The following ASIC2 variants were observed in gnomAD, a reference collection of about 807,000 sequenced individuals.
ASIC2 encodes the protein acid sensing ion channel subunit 2, also known as acid-sensing ion channel 2.
Under a neutral mutation model 57.3 loss-of-function variants are expected in ASIC2, and 25 were observed. The observed-to-expected ratio is 0.44, with a 90% CI of 0.32 to 0.61. ASIC2 has a LOEUF of 0.61. Ranked by LOEUF, ASIC2 falls within the 20% of genes least tolerant of loss-of-function variation. The probability of loss-of-function intolerance (pLI) is 0.06; values close to 1 mark genes in which losing one functional copy is unlikely to be tolerated. For synonymous variants in ASIC2, 319 were observed against 307.5 expected (o/e 1.04, Z -0.39); for missense variants, 641 against 738.1 (o/e 0.87, Z 1.52).
At chr17:33,268,747 A>G (rs556505767) in intron 1 of ASIC2, among the ~76,000 whole-genome samples, 1 of 152,272 alleles carries the variant, frequency 6.6e-6, no homozygotes, top group East Asian at 1.9e-4. Flanking sequence ...TTTCCCCACC[A>G]TCCTACAAAG....
chr17:33,049,925 G>T (rs1029576445), intron 3 of ASIC2, among the ~76,000 whole-genome samples: 3 of 152,214 alleles, frequency 2.0e-5, no homozygotes, highest in Non-Finnish European at 2.9e-5. Context: ...GAAGGGGAAA[G>T]AGACTCCTCA....
chr17:34,049,115 T>C (rs944850318), intron 1 of ASIC2, among the ~76,000 whole-genome samples: 11 of 151,726 alleles, frequency 7.2e-5, no homozygotes, highest in East Asian at 5.8e-4. Context: ...CAGGGCAACA[T>C]AGACTGTCCC....
intron 1 of ASIC2, among the ~76,000 whole-genome samples, chr17:33,125,955 G>A (rs1303212194): frequency 2.0e-5 from 3 of 152,172 alleles, no homozygotes; most frequent in South Asian, 2.1e-4. Context: ...CAATTATTTC[G>A]GGGGTTGCAC....
intron 1 of ASIC2, among the ~76,000 whole-genome samples, chr17:34,131,998 T>C (rs982595301): frequency 6.6e-6 from 1 of 152,174 alleles, no homozygotes; most frequent in Admixed American, 6.5e-5. Flanking sequence ...GTAGGTGCTG[T>C]CCTGGAATTT....
intron 1 of ASIC2, among the ~76,000 whole-genome samples, chr17:33,807,112 C>A (rs1912290112): frequency 6.6e-6 from 1 of 152,164 alleles, no homozygotes; most frequent in Non-Finnish European, 1.5e-5. Flanking sequence ...CAGGAAAATG[C>A]AGAAATGCTC....
chr17:33,629,233 C>A (rs1326460380), intron 1 of ASIC2, among the ~76,000 whole-genome samples: 1 of 147,962 alleles, frequency 6.8e-6, no homozygotes, highest in African/African-American at 2.5e-5. Flanking sequence ...CTGCTCTCTG[C>A]CAGCTTTTCT....
chr17:33,796,092 T>A (rs1911911597), intron 1 of ASIC2, among the ~76,000 whole-genome samples: 1 of 152,226 alleles, frequency 6.6e-6, no homozygotes, highest in Non-Finnish European at 1.5e-5. Flanking sequence ...AGTGCCACAA[T>A]CACAGTGGCT....
In ASIC2 at chr17:33,718,343, C is replaced by G. The variant is rs1029584978; in HGVS notation, c.555+437635G>C. 2.6e-5 allele frequency among the ~76,000 whole-genome samples: 4 copies of G among 152,066 alleles called. No homozygotes were observed. The East Asian group carries it at 7.7e-4, about 29-fold the overall frequency. On this transcript the variant is annotated intron_variant, in intron 1 of 9. Transcript: ENST00000359872. ...TTGAACCCGTGGATACAGAGGCTGA[C>G]TGGATTTACAGAAAGGGTGTTTTAC...
At chr17:33,285,036 G>A (rs1341939094) in intron 1 of ASIC2, among the ~76,000 whole-genome samples, 1 of 152,184 alleles carries the variant, frequency 6.6e-6, no homozygotes, top group Non-Finnish European at 1.5e-5. Context: ...ACATCCAATT[G>A]AGTCAATGAA....
intron 1 of ASIC2, chr17:34,036,648 T>C (rs919021774): frequency 6.7e-6 from 1 of 150,024 alleles, no homozygotes; most frequent in Non-Finnish European, 1.5e-5. Flanking sequence ...GGGCTACTTG[T>C]GGACTGTATA....
intron 1 of ASIC2, among the ~76,000 whole-genome samples, chr17:33,673,228 A>C (rs1907694605): frequency 6.6e-6 from 1 of 152,110 alleles, no homozygotes; most frequent in Non-Finnish European, 1.5e-5. Context: ...CTCAGGGAAG[A>C]GTGAGGAGAC....
intron 1 of ASIC2, among the ~76,000 whole-genome samples, chr17:33,458,469 G>A (rs1414153305): frequency 2.0e-5 from 3 of 152,158 alleles, no homozygotes; most frequent in East Asian, 1.9e-4. Context: ...TTAGTGAAAG[G>A]CCAGAACCAT....
chr17:33,584,578 A>G (rs8072065), intron 1 of ASIC2, among the ~76,000 whole-genome samples: 31,016 of 152,084 alleles, frequency 0.2, 3,266 homozygotes, highest in South Asian at 0.37. Context: ...GACTTGGCAC[A>G]GGTGAGGCAG....
intron 3 of ASIC2, among the ~76,000 whole-genome samples, chr17:33,036,557 A>G (rs966094037): frequency 6.6e-6 from 1 of 152,088 alleles, no homozygotes; most frequent in African/African-American, 2.4e-5. Context: ...CAGCCTCCCA[A>G]GGAGTTAGGA....
intron 1 of ASIC2, among the ~76,000 whole-genome samples, chr17:33,585,906 G>A (rs1904613895): frequency 6.6e-6 from 1 of 152,186 alleles, no homozygotes; most frequent in Non-Finnish European, 1.5e-5. Flanking sequence ...TAAATATACA[G>A]TCTGACGAGC....
chr17:33,092,003 A>C (rs1366264080), intron 2 of ASIC2, among the ~76,000 whole-genome samples: 1 of 152,218 alleles, frequency 6.6e-6, no homozygotes, highest in Admixed American at 6.5e-5. Flanking sequence ...CAGTTCTAGA[A>C]TATCCAGCTA....
At chr17:33,558,740 G>C (rs2141982122) in intron 1 of ASIC2, among the ~76,000 whole-genome samples, 1 of 152,162 alleles carries the variant, frequency 6.6e-6, no homozygotes, top group South Asian at 2.1e-4. Flanking sequence ...TATAAACATT[G>C]GTAGCTGAAC....
intron 1 of ASIC2, among the ~76,000 whole-genome samples, chr17:33,724,937 T>G (rs7224463): frequency 0.031 from 4,694 of 152,304 alleles, 166 homozygotes; most frequent in African/African-American, 0.085. Flanking sequence ...TTCATCTATT[T>G]TGCAGTAAGG....
At chr17:33,054,150 G>A (rs1243693564) in intron 3 of ASIC2, among the ~76,000 whole-genome samples, 1 of 152,016 alleles carries the variant, frequency 6.6e-6, no homozygotes, top group African/African-American at 2.4e-5. Flanking sequence ...CTCTGCTTTT[G>A]GATCTTGGTG....
Sources: allele counts gnomAD v4.1 joint callset (sites outside exome capture counted in the v4.1 genomes callset), GRCh38; gene constraint gnomAD v4.1.1; transcripts MANE v1.5; gene names NCBI Gene and HGNC (gene_info 2026-07-23, HGNC 2026-07-21).